The following POLDIP2 variants were observed in gnomAD, a reference collection of about 807,000 sequenced individuals.
POLDIP2 encodes the protein polymerase delta-interacting protein 2.
A neutral mutation model predicts 52.9 loss-of-function variants in POLDIP2; 32 were observed. The observed-to-expected ratio is 0.61, with a 90% CI of 0.46 to 0.81. The LOEUF is 0.81. Among genes scored for constraint, POLDIP2 ranks in the 40% least tolerant of loss-of-function variants. The probability of loss-of-function intolerance (pLI) is 0.00; values close to 1 mark genes in which losing one functional copy is unlikely to be tolerated. For synonymous variants in POLDIP2, 183 were observed against 183.0 expected (o/e 1.00, Z 0.00); for missense variants, 371 against 477.3 (o/e 0.78, Z 2.07).
intron 4 of POLDIP2, 64 bp downstream of exon 4, chr17:28,353,631 C>G: frequency 8.7e-7 from 1 of 1,145,994 alleles, no homozygotes; most frequent in South Asian, 1.2e-5. Context: ...CTCCCTTTGT[C>G]CCCATTGGGA....
Position 28,348,235 on chromosome 17 carries a change from C to G in POLDIP2, c.993-4G>C. 2 of 1,606,226 alleles carry G rather than the reference C, an allele frequency of 1.2e-6. No homozygotes were observed. The highest frequency in any genetic ancestry group is 2.2e-5 in the South Asian group (2 of 90,926). On this transcript the variant is annotated splice_region_variant and splice_polypyrimidine_tract_variant and intron_variant, in intron 10 of 10. Coordinates refer to ENST00000540200, the MANE Select transcript of POLDIP2 (RefSeq NM_015584.5). The stretch of plus-strand genomic sequence containing the variant: ...TCTTTCAAAGCGGAACGTGCCCCTA[C>G]AGTCAGAAAGAAGCTGGTTTAGAAG...
chr17:28,350,145 A>G lies in POLDIP2; in HGVS notation c.912+293T>C, dbSNP rs146731004. Among the ~76,000 whole-genome samples, 239 of 152,354 alleles carry G rather than the reference A, an allele frequency of 1.6e-3. 3 individuals are homozygous for G. The highest frequency in any genetic ancestry group is 5.5e-3 in the African/African-American group (229 of 41,586). On this transcript the variant is annotated intron_variant, in intron 9 of 10. Coordinates refer to ENST00000540200, the MANE Select transcript of POLDIP2 (RefSeq NM_015584.5). ...TTTTAAAAGACACTATACCAGTTTT[A>G]AAAACTACACAAGTTTTGACTTCAG...
rs1264985440 is a variant in POLDIP2 at position 28,347,840 on chromosome 17, ACTC to A, written c.*274_*276del. ...CAAACCTCACGTGACAGGCCAGGAA[ACTC>A]CTCCAGGCCTGTGGCAGCTGAACAC... On this transcript the variant is annotated 3_prime_UTR_variant, in exon 11 of 11. Transcript: ENST00000540200. 1 of 397,130 alleles carries A rather than the reference ACTC, an allele frequency of 2.5e-6. No individual in the cohort carries two copies. The highest frequency in any genetic ancestry group is 2.1e-5 in the African/African-American group (1 of 48,224). 24.6% of individuals were successfully genotyped at this position (397,130 alleles called of 1,614,324 possible).
In POLDIP2 at chr17:28,353,805, G is replaced by T; in HGVS notation, c.342-14C>A. ...GGGTTCTCTGCTCTATGGGGTGGGA[G>T]AAGGAGGCCAAGATCACCCCAGGAG... On this transcript the variant is annotated splice_polypyrimidine_tract_variant and intron_variant, in intron 3 of 10. Transcript: ENST00000540200. 6.4e-6 allele frequency: 10 copies of T among 1,571,200 alleles called. No homozygotes were observed. The highest frequency in any genetic ancestry group is 8.8e-6 in the Non-Finnish European group (10 of 1,141,192).
rs1428030444 is a variant in POLDIP2, at chr17:28,350,494, T to C, written c.856A>G (p.Ile286Val). Residue 286 changes from isoleucine to valine, a missense_variant, in exon 9 of 11, where the codon ATA becomes GTA. Ile to Val is a conservative substitution (Grantham distance 29, BLOSUM62 3). Transcript: ENST00000540200. Reference sequence around the variant, plus strand: ...TCCAAGGTGCCAGAGAGACTGAATATCCTCCAGTGCCGCTCCCGGAGCTGT... The same window carrying C: ...TCCAAGGTGCCAGAGAGACTGAATACCCTCCAGTGCCGCTCCCGGAGCTGT... ...VVQLRERHWRIFSLSGTLETV... is the reference protein window; with the variant it reads ...VVQLRERHWRVFSLSGTLETV... The C allele has an allele frequency of 2.5e-6, 4 of 1,613,020 alleles. No homozygotes were observed. In the East Asian group the frequency reaches 8.9e-5, roughly 36 times the overall value.
chr17:28,349,040 T>G (rs1355996210), intron 10 of POLDIP2, 43 bp downstream of exon 10: 2 of 1,404,516 alleles, frequency 1.4e-6, no homozygotes, highest in Non-Finnish European at 2.0e-6. Flanking sequence ...CAGCTTCTGT[T>G]TGTGGAGCTG....
In POLDIP2 at chr17:28,347,969, T is replaced by C. The variant is rs1198919408; in HGVS notation, c.*148A>G. ...ACATGGGTCTTCTGAAGAAAAGTTA[T>C]ACCACCCCTCCCCACAAAAAGAACC... is the stretch of plus-strand genomic sequence containing the variant. On this transcript the variant is annotated 3_prime_UTR_variant, in exon 11 of 11. Transcript: ENST00000540200. 3 of 614,460 alleles carry C rather than the reference T, an allele frequency of 4.9e-6. No individual in the cohort carries two copies. The highest frequency in any genetic ancestry group is 2.9e-5 in the Admixed American group (1 of 34,568). The allele number at this position is 614,460 out of a possible 1,614,324, so 38.1% of individuals were successfully genotyped here.
chr17:28,352,587 G>A (rs538975600), intron 6 of POLDIP2, among the ~76,000 whole-genome samples: 1 of 142,928 alleles, frequency 7.0e-6, no homozygotes, highest in Non-Finnish European at 1.5e-5. Flanking sequence ...GCCCAGGCTG[G>A]AATGCAATGG....
Position 28,349,139 on chromosome 17 carries a change from C to T in POLDIP2, c.936G>A (p.Gln312=), listed in dbSNP as rs34527677. ...VGREPVLSKE[Q]PAFQYSSHVS... Reference sequence around the variant, plus strand: ...CGTGGCTGCTATACTGGAACGCAGGCTGCTCCTTGGATAACACTGGTTCCT... The same window carrying T: ...CGTGGCTGCTATACTGGAACGCAGGTTGCTCCTTGGATAACACTGGTTCCT... The change falls in exon 10 of 11, where the codon CAG becomes CAA. Residue 312 remains glutamine, a synonymous_variant. Coordinates refer to ENST00000540200, the MANE Select transcript of POLDIP2 (RefSeq NM_015584.5). 3.9e-4 allele frequency: 625 copies of T among 1,613,310 alleles called. 4 individuals carry two copies. In the African/African-American group the frequency reaches 7.4e-3, roughly 19 times the overall value.
chr17:28,354,551 A>AC lies in POLDIP2; in HGVS notation c.277dup (p.Val93GlyfsTer12). On this transcript the variant is annotated frameshift_variant, in exon 3 of 11. Transcript: ENST00000540200. LOFTEE classifies it high-confidence loss of function. ...TCTGGCCTGCCAGGGAAACAGGACG[A>AC]CACCTCGGTAGCCAAAAATGCTATG... The AC allele has an allele frequency of 6.4e-7, 1 of 1,562,206 alleles. No individual in the cohort carries two copies. The highest frequency in any genetic ancestry group is 8.7e-7 in the Non-Finnish European group (1 of 1,153,016).
chr17:28,354,431 A>G (rs1289538491), intron 3 of POLDIP2, 57 bp downstream of exon 3: 4 of 1,219,976 alleles, frequency 3.3e-6, no homozygotes, highest in South Asian at 2.6e-5. Context: ...CCCCAATTAC[A>G]TATGTCTGCC....
At chr17:28,349,985 T>G (rs1316387485) in intron 9 of POLDIP2, among the ~76,000 whole-genome samples, 2 of 152,054 alleles carry the variant, frequency 1.3e-5, no homozygotes, top group Non-Finnish European at 2.9e-5. Flanking sequence ...GGAGACAGGG[T>G]TGGGTAGGCA....
intron 2 of POLDIP2, among the ~76,000 whole-genome samples, chr17:28,355,423 C>G (rs1907975319): frequency 6.6e-6 from 1 of 152,182 alleles, no homozygotes; most frequent in South Asian, 2.1e-4. Flanking sequence ...GCCTGACCAA[C>G]ATGGAGAAAC....
chr17:28,352,951 C>T lies in POLDIP2; in HGVS notation c.583G>A (p.Glu195Lys). The T allele has an allele frequency of 6.3e-7, 1 of 1,577,634 alleles. No homozygotes were observed. The highest frequency in any genetic ancestry group is 8.7e-7 in the Non-Finnish European group (1 of 1,146,686). Residue 195 changes from glutamate (E) to lysine (K), a missense_variant, in exon 6 of 11, where the codon GAA (glutamate) becomes AAA (lysine). By Grantham distance (56) the Glu-to-Lys change is moderately conservative. Coordinates refer to ENST00000540200, the MANE Select transcript of POLDIP2 (RefSeq NM_015584.5). ...TACAGAAGAAATCTTTCAAAGAGTT[C>T]ATGTTGGATGGGAACCTGATCAGTG... is the stretch of plus-strand genomic sequence containing the variant. Reference protein sequence around the residue: ...TSTDQVPIQHELFERFLLYDQ... With the variant: ...TSTDQVPIQHKLFERFLLYDQ...
intron 4 of POLDIP2, 114 bp downstream of exon 4, chr17:28,353,581 G>T: frequency 1.4e-6 from 1 of 723,442 alleles, no homozygotes; most frequent in Non-Finnish European, 2.5e-6. Flanking sequence ...CCAAGGCCTT[G>T]GGGACCAAGA....
chr17:28,347,912 G>C lies in POLDIP2; in HGVS notation c.*205C>G, dbSNP rs1162494710. 5.2e-6 allele frequency: 3 copies of C among 572,364 alleles called. No individual in the cohort carries two copies. In the East Asian group the frequency reaches 8.8e-5, roughly 17 times the overall value. The allele number at this position is 572,364 out of a possible 1,614,324, so 35.5% of individuals were successfully genotyped here. A position where few individuals can be genotyped will look rare whatever the true frequency, so the allele number is the denominator to read the frequency against. ...TTTACTGGAACATGGTGTAGGCAGG[G>C]CTTATGAGGAGGCCAGCCTTGGAGG... On this transcript the variant is annotated 3_prime_UTR_variant, in exon 11 of 11. Coordinates refer to ENST00000540200, the MANE Select transcript of POLDIP2 (RefSeq NM_015584.5).
At chr17:28,350,614 C>T (rs1242779394) in intron 8 of POLDIP2, 51 bp from the exon 9 acceptor site, 1 of 1,599,282 alleles carries the variant, frequency 6.3e-7, no homozygotes, top group East Asian at 2.2e-5. Flanking sequence ...TTTGGGTAAC[C>T]CTCCTCAGAA....
chr17:28,356,134 ACT>A (rs782474842), intron 1 of POLDIP2, among the ~76,000 whole-genome samples: 1 of 150,054 alleles, frequency 6.7e-6, no homozygotes, highest in African/African-American at 2.5e-5. Context: ...ATGCCCTCAC[ACT>A]CTGCTCAAAT....
chr17:28,353,606 G>C, intron 4 of POLDIP2, 89 bp downstream of exon 4: 1 of 912,150 alleles, frequency 1.1e-6, no homozygotes, highest in Non-Finnish European at 1.8e-6. Flanking sequence ...CCTGGGCTCT[G>C]TTTGACCCCC....
Sources: gnomAD v4.1 joint callset for allele counts (sites outside exome capture counted in the v4.1 genomes callset) on GRCh38, gnomAD v4.1.1 for gene constraint, MANE v1.5 for transcripts, NCBI Gene and HGNC (gene_info 2026-07-23, HGNC 2026-07-21) for gene names.